The following ERFL variants were observed in gnomAD, a reference collection of about 807,000 sequenced individuals.
ERFL encodes ETS repressor factor like.
In ERFL, 8 loss-of-function variants were observed where a neutral mutation model predicts 27.9. The ratio of observed to expected loss-of-function variants is 0.29; its 90% CI spans 0.17 to 0.52. The LOEUF is 0.52. Ranked by LOEUF, ERFL falls within the 20% of genes least tolerant of loss-of-function variation. The pLI is 0.97. For missense variants in ERFL, 294 were observed against 444.4 expected, an observed-to-expected ratio of 0.66 and a Z score of 3.04; for synonymous variants, 174 against 202.8, an observed-to-expected ratio of 0.86 and a Z score of 1.21.
Position 41,908,976 on chromosome 19 carries a change from CTCTTG to C in ERFL, c.616+79_616+83del. ...CCCTGGGCCCCCTTCCCCATCTCTT[CTCTTG>C]TCTTTTCTCATCCTCTTCCCTCAAG... On this transcript the variant is annotated intron_variant, in intron 5 of 5. Transcript: ENST00000597630. The surrounding 1 kb of genome is among the most constrained non-coding windows in gnomAD (Gnocchi z 6.7). 1 of 885,804 alleles carries C rather than the reference CTCTTG, an allele frequency of 1.1e-6. No individual in the cohort carries two copies. 54.9% of individuals were successfully genotyped at this position (885,804 alleles called of 1,614,324 possible).
At chr19:41,913,179 G>A (rs1338198925) in intron 1 of ERFL, among the ~76,000 whole-genome samples, 1 of 151,422 alleles carries the variant, frequency 6.6e-6, no homozygotes, top group East Asian at 1.9e-4. Context: ...CTCACTCGGT[G>A]CCTCCATCAC....
At chr19:41,912,999 G>C in intron 1 of ERFL, 67 bp from the exon 2 acceptor site, 2 of 716,598 alleles carry the variant, frequency 2.8e-6, no homozygotes, top group Non-Finnish European at 3.9e-6. Flanking sequence ...GTCAGCCAGC[G>C]GGGCGCTGCC....
At position 41,908,456 on chromosome 19, in the gene ERFL, G is replaced by T; in HGVS notation, c.837C>A (p.Ala279=). 8.1e-7 allele frequency: 1 copy of T among 1,231,320 alleles called. No homozygotes were observed. The highest frequency in any genetic ancestry group is 1.0e-6 in the Non-Finnish European group (1 of 987,684). The allele number at this position is 1,231,320 out of a possible 1,614,324, so 76.3% of individuals were successfully genotyped here. A position where few individuals can be genotyped will look rare whatever the true frequency, so the allele number is the denominator to read the frequency against. ...CGGGGCCCAGGCCCTCCCCTGTCGA[G>T]GCCAGCAGGGGCGTGGCTGTGGGGC... The part of the protein sequence containing the change: ...GGGPTATPLL[A]STGEGLGPER... Residue 279 remains alanine (A), a synonymous_variant, in exon 6 of 6, where the codon GCC becomes GCA. Transcript: ENST00000597630. The surrounding 1 kb of genome is among the most constrained non-coding windows in gnomAD (Gnocchi z 6.7).
At chr19:41,925,399 C>T (rs2074865869) in intron 1 of ERFL, among the ~76,000 whole-genome samples, 1 of 151,972 alleles carries the variant, frequency 6.6e-6, no homozygotes, top group African/African-American at 2.4e-5. Flanking sequence ...ACGCAGATAC[C>T]TGTGGCCAAG....
chr19:41,908,344 T>C lies in ERFL; in HGVS notation c.949A>G (p.Ser317Gly). 1.6e-6 allele frequency: 2 copies of C among 1,231,440 alleles called. No individual in the cohort carries two copies. Among genetic ancestry groups the C allele is most frequent in the Non-Finnish European group, 2.0e-6 (2 of 987,772 alleles). The allele number at this position is 1,231,440 out of a possible 1,614,324, so 76.3% of individuals were successfully genotyped here. Reference protein sequence around the residue: ...PEAALGGKEDSDSELEITDVS... With the variant: ...PEAALGGKEDGDSELEITDVS... The stretch of plus-strand genomic sequence containing the variant: ...TCGGTGATCTCCAGCTCCGAGTCGC[T>C]GTCCTCCTTCCCACCAAGGGCAGCC... The change falls in exon 6 of 6, where the codon AGC (serine) becomes GGC (glycine). Residue 317 changes from serine to glycine, a missense_variant. Physicochemically the swap from Ser to Gly is moderately conservative, Grantham distance 56. This residue lies in a region of ERFL where 246 missense variants were observed against 371.4 expected (regional missense o/e 0.66). Coordinates refer to ENST00000597630, the MANE Select transcript of ERFL (RefSeq NM_001365103.2). The surrounding 1 kb of genome is among the most constrained non-coding windows in gnomAD (Gnocchi z 6.7).
intron 1 of ERFL, among the ~76,000 whole-genome samples, chr19:41,922,717 CCGGGGTCCAGCCGGGCTG>C (rs2074849453): frequency 6.6e-6 from 1 of 152,088 alleles, no homozygotes; most frequent in South Asian, 2.1e-4. Context: ...CCCACAAGGG[CCGGGGTCCAGCCGGGCTG>C]GGGGGGACTC....
intron 1 of ERFL, among the ~76,000 whole-genome samples, chr19:41,926,600 G>A (rs2074871815): frequency 6.6e-6 from 1 of 152,152 alleles, no homozygotes; most frequent in African/African-American, 2.4e-5. Context: ...CCTGGGTGGG[G>A]CACAGAGTTA....
chr19:41,925,657 G>A (rs2074867112), intron 1 of ERFL, among the ~76,000 whole-genome samples: 1 of 152,122 alleles, frequency 6.6e-6, no homozygotes, highest in Non-Finnish European at 1.5e-5. Flanking sequence ...CACAGGTGGG[G>A]AAGGTGCTTC....
In ERFL at chr19:41,916,060, G is replaced by A. The variant is rs1318693372; in HGVS notation, c.-13-3128C>T. On this transcript the variant is annotated intron_variant, in intron 1 of 5. Coordinates refer to ENST00000597630, the MANE Select transcript of ERFL (RefSeq NM_001365103.2). The surrounding 1 kb of genome is among the most constrained non-coding windows in gnomAD (Gnocchi z 5.4). ...CTCTACCGCCCGCAGCCATGGCACC[G>A]AATGTGTGTGCGCATGTGAGCGAAG... Among the ~76,000 whole-genome samples the A allele has an allele frequency of 4.7e-5, 7 of 148,284 alleles. No individual in the cohort carries two copies. Among genetic ancestry groups the A allele is most frequent in the Admixed American group, 6.7e-5 (1 of 14,846 alleles).
chr19:41,912,725 C>T (rs2074760696), intron 2 of ERFL, 128 bp downstream of exon 2: 4 of 406,022 alleles, frequency 9.9e-6, no homozygotes, highest in African/African-American at 4.1e-5. Flanking sequence ...GGGGGACTGA[C>T]CAAGACTGAG....
At chr19:41,925,175 G>A (rs1030690323) in intron 1 of ERFL, among the ~76,000 whole-genome samples, 36 of 152,206 alleles carry the variant, frequency 2.4e-4, no homozygotes, top group Admixed American at 9.2e-4. Context: ...TCGAAGCCTC[G>A]GTATCTGTTT....
chr19:41,926,215 C>T (rs1401945088), intron 1 of ERFL, among the ~76,000 whole-genome samples: 4 of 151,008 alleles, frequency 2.6e-5, no homozygotes, highest in Admixed American at 6.6e-5. Context: ...TAAGAGGGGA[C>T]GTATGCTCCC....
intron 1 of ERFL, among the ~76,000 whole-genome samples, chr19:41,919,488 C>G (rs1555852238): frequency 6.6e-6 from 1 of 150,742 alleles, no homozygotes; most frequent in Non-Finnish European, 1.5e-5. Flanking sequence ...TACAAATTAC[C>G]ACCCACGTGT....
In ERFL at chr19:41,921,375, G is replaced by A. The variant is rs1410693826; in HGVS notation, c.-14+6665C>T. ...CGGAGGGAGATGGAGGGGGATAGGC[G>A]GGACATGGGGAACCCCACCAGGGGA... On this transcript the variant is annotated intron_variant, in intron 1 of 5. Coordinates refer to ENST00000597630, the MANE Select transcript of ERFL (RefSeq NM_001365103.2). This position sits in a 1 kb window ranked among gnomAD's most constrained non-coding sequence, Gnocchi z 4.4. 1.3e-5 allele frequency among the ~76,000 whole-genome samples: 2 copies of A among 152,146 alleles called. No individual in the cohort carries two copies. The highest frequency in any genetic ancestry group is 4.8e-5 in the African/African-American group (2 of 41,408).
At chr19:41,918,905 C>T (rs2074820607) in intron 1 of ERFL, among the ~76,000 whole-genome samples, 1 of 151,314 alleles carries the variant, frequency 6.6e-6, no homozygotes, top group Admixed American at 6.6e-5. Context: ...ACCCATTACA[C>T]ACATACACCA....
chr19:41,910,914 G>A lies in ERFL; in HGVS notation c.68-817C>T, dbSNP rs1370520410. Among the ~76,000 whole-genome samples, 1 of 151,658 alleles carries A rather than the reference G, an allele frequency of 6.6e-6. No homozygotes were observed. Among genetic ancestry groups the A allele is most frequent in the East Asian group, 1.9e-4 (1 of 5,172 alleles). On this transcript the variant is annotated intron_variant, in intron 2 of 5. Transcript: ENST00000597630. The surrounding 1 kb of genome is among the most constrained non-coding windows in gnomAD (Gnocchi z 4.4). The stretch of plus-strand genomic sequence containing the variant: ...GTCACGTCATCTCAACAACCCCACA[G>A]TGCACACCCATCACAACACAGAATT...
At chr19:41,927,088 A>T (rs1599682912) in intron 1 of ERFL, among the ~76,000 whole-genome samples, 1 of 151,958 alleles carries the variant, frequency 6.6e-6, no homozygotes, top group South Asian at 2.1e-4. Flanking sequence ...GAAGAGAGAG[A>T]TGCTGTGAGA....
At position 41,908,581 on chromosome 19, in the gene ERFL, G is replaced by C; in HGVS notation, c.712C>G (p.Pro238Ala). ...PWNFNPYLTG[P>A]FPKLPPSLYP... ...AGAGAGGGAGGCAGCTTGGGGAAGG[G>C]GCCCGTGAGGTACGGGTTAAAGTTC... is the stretch of plus-strand genomic sequence containing the variant. The change falls in exon 6 of 6, where the codon CCC becomes GCC. Residue 238 changes from proline to alanine, a missense_variant. Pro to Ala is a conservative substitution (Grantham distance 27). This residue lies in a region of ERFL where 246 missense variants were observed against 371.4 expected (regional missense o/e 0.66). Coordinates refer to ENST00000597630, the MANE Select transcript of ERFL (RefSeq NM_001365103.2). This position sits in a 1 kb window ranked among gnomAD's most constrained non-coding sequence, Gnocchi z 6.7. 8.1e-7 allele frequency: 1 copy of C among 1,231,784 alleles called. No individual in the cohort carries two copies. The highest frequency in any genetic ancestry group is 1.0e-6 in the Non-Finnish European group (1 of 988,070). The allele number at this position is 1,231,784 out of a possible 1,614,324, so 76.3% of individuals were successfully genotyped here.
rs2074746007 is a variant in ERFL, at chr19:41,910,539, C to G, written c.68-442G>C. 6.6e-6 allele frequency among the ~76,000 whole-genome samples: 1 copy of G among 152,146 alleles called. No homozygotes were observed. The highest frequency in any genetic ancestry group is 1.5e-5 in the Non-Finnish European group (1 of 68,032). ...GCTCTTACTGTCTCTGTTCCCCATT[C>G]CCTGTCCCCTGCTCCACCTTTCGAC... On this transcript the variant is annotated intron_variant, in intron 2 of 5. Transcript: ENST00000597630. This position sits in a 1 kb window ranked among gnomAD's most constrained non-coding sequence, Gnocchi z 4.4.
Sources: allele counts gnomAD v4.1 joint callset (sites outside exome capture counted in the v4.1 genomes callset), GRCh38; gene constraint gnomAD v4.1.1; regional missense constraint gnomAD v4.1.1; non-coding constraint Gnocchi (gnomAD v3.1); transcripts MANE v1.5; gene names NCBI Gene and HGNC (gene_info 2026-07-23, HGNC 2026-07-21).